The following GLDC variants were observed in gnomAD, a reference collection of about 807,000 sequenced individuals.
GLDC encodes glycine decarboxylase, also known as glycine dehydrogenase (decarboxylating), mitochondrial.
Under a neutral mutation model 121.3 loss-of-function variants are expected in GLDC, and 104 were observed. That is an observed-to-expected ratio of 0.86 (90% CI 0.73 to 1.01). The LOEUF (loss-of-function observed/expected upper bound fraction) is 1.01, where lower values mean the gene tolerates loss of function less well. Ranked by LOEUF, GLDC falls within the 50% of genes least tolerant of loss-of-function variation. The pLI, the probability that GLDC is intolerant of heterozygous loss-of-function variation, is 0.00. For missense variants in GLDC, 1,429 were observed against 1,306.6 expected, an observed-to-expected ratio of 1.09 and a Z score of -1.44; for synonymous variants, 546 against 480.6, an observed-to-expected ratio of 1.14 and a Z score of -1.78.
At chr9:6,578,734 T>C (rs911119253) in intron 15 of GLDC, among the ~76,000 whole-genome samples, 2 of 152,102 alleles carry the variant, frequency 1.3e-5, no homozygotes, top group Non-Finnish European at 2.9e-5. Flanking sequence ...GGTCTTGCTA[T>C]GTTGCCCAGG....
chr9:6,591,567 G>C (rs971580621), intron 11 of GLDC, among the ~76,000 whole-genome samples: 1 of 152,070 alleles, frequency 6.6e-6, no homozygotes, highest in African/African-American at 2.4e-5. Context: ...TTGCATCTTT[G>C]TAGTAGAGGC....
chr9:6,621,591 C>G (rs1052415845), intron 2 of GLDC, among the ~76,000 whole-genome samples: 2 of 152,152 alleles, frequency 1.3e-5, no homozygotes, highest in South Asian at 4.1e-4. Flanking sequence ...GATCTTGGCT[C>G]ACTGCAACCT....
rs373372620 is a variant in GLDC at position 6,596,887 on chromosome 9, A to C, written c.1156-1768T>G. Among the ~76,000 whole-genome samples, 19 of 152,348 alleles carry C rather than the reference A, an allele frequency of 1.2e-4. No individual in the cohort carries two copies. The East Asian group carries it at 2.9e-3, about 23-fold the overall frequency. On this transcript the variant is annotated intron_variant, in intron 8 of 24. Coordinates refer to ENST00000321612, the MANE Select transcript of GLDC (RefSeq NM_000170.3). Reference sequence around the variant, plus strand: ...ATGACCCAGCAATTTCACTGCTAGGAATATAACCAAAAGAACTGAAAACAT... The same window carrying C: ...ATGACCCAGCAATTTCACTGCTAGGCATATAACCAAAAGAACTGAAAACAT...
intron 8 of GLDC, among the ~76,000 whole-genome samples, chr9:6,597,123 C>T (rs1022097424): frequency 1.3e-5 from 2 of 152,122 alleles, no homozygotes; most frequent in African/African-American, 4.8e-5. Flanking sequence ...TACAAAAGGC[C>T]ACACATTGTA....
At chr9:6,644,141 G>C (rs1313234000) in intron 2 of GLDC, among the ~76,000 whole-genome samples, 1 of 151,606 alleles carries the variant, frequency 6.6e-6, no homozygotes, top group African/African-American at 2.4e-5. Flanking sequence ...TGGACGTGAG[G>C]TAAGAAAACA....
intron 3 of GLDC, among the ~76,000 whole-genome samples, chr9:6,615,826 C>A (rs1360216249): frequency 6.6e-6 from 1 of 152,154 alleles, no homozygotes; most frequent in Non-Finnish European, 1.5e-5. Flanking sequence ...GTTGGCCAGG[C>A]TGGTCTTGAA....
At chr9:6,546,955 C>T (rs1036616906) in intron 21 of GLDC, among the ~76,000 whole-genome samples, 17 of 151,926 alleles carry the variant, frequency 1.1e-4, no homozygotes, top group African/African-American at 4.1e-4. Context: ...AAGCGAGACT[C>T]TGTCTCAAAA....
At chr9:6,573,735 C>A (rs138569171) in intron 15 of GLDC, among the ~76,000 whole-genome samples, 1 of 152,066 alleles carries the variant, frequency 6.6e-6, no homozygotes, top group African/African-American at 2.4e-5. Flanking sequence ...GAAACCGATA[C>A]GGTAAAAATG....
At chr9:6,635,424 A>G (rs1205161877) in intron 2 of GLDC, among the ~76,000 whole-genome samples, 1 of 152,226 alleles carries the variant, frequency 6.6e-6, no homozygotes, top group Non-Finnish European at 1.5e-5. Context: ...GGTCCTATGT[A>G]CCATAATAGC....
chr9:6,572,745 G>A lies in GLDC; in HGVS notation c.1851-7316C>T, dbSNP rs188730630. On this transcript the variant is annotated intron_variant, in intron 15 of 24. Transcript: ENST00000321612. ...TTCTTGGGTCTTACTCACTGCTGAA[G>A]TCTAATTCTCCAGCTTTTCCATCAA... Among the ~76,000 whole-genome samples the A allele has an allele frequency of 3.3e-5, 5 of 152,316 alleles. No homozygotes were observed. The East Asian group carries it at 9.6e-4, about 29-fold the overall frequency.
intron 2 of GLDC, among the ~76,000 whole-genome samples, chr9:6,642,988 G>A (rs1819658726): frequency 1.3e-5 from 2 of 151,802 alleles, no homozygotes; most frequent in South Asian, 4.2e-4. Context: ...AACCTCCACT[G>A]CCCAGCTCAA....
At chr9:6,598,945 C>G (rs1237205531) in intron 8 of GLDC, among the ~76,000 whole-genome samples, 6 of 152,160 alleles carry the variant, frequency 3.9e-5, no homozygotes, top group Non-Finnish European at 7.3e-5. Flanking sequence ...CTTTGGGAGG[C>G]CAAGGCGGGC....
intron 10 of GLDC, 102 bp from the exon 11 acceptor site, chr9:6,592,325 C>G (rs1818391152): frequency 3.9e-6 from 3 of 774,472 alleles, no homozygotes; most frequent in Non-Finnish European, 6.9e-6. Flanking sequence ...AACAAAATCC[C>G]ATCATTCCAA....
In GLDC at chr9:6,533,105, A is replaced by G. The variant is rs752239336; in HGVS notation, c.2975T>C (p.Ile992Thr). 3 of 1,611,642 alleles carry G rather than the reference A, an allele frequency of 1.9e-6. No homozygotes were observed. Among genetic ancestry groups the G allele is most frequent in the South Asian group, 2.2e-5 (2 of 91,034 alleles). ...ACAAACCAGGTGCTGATCTCCATAT[A>G]TGTCATCAATCCGGGCAATCGTTGG... ...FWPTIARIDD[I>T]YGDQHLVCTC... Residue 992 changes from isoleucine to threonine, a missense_variant, in exon 25 of 25, where the codon ATA (isoleucine) becomes ACA (threonine). Coordinates refer to ENST00000321612, the MANE Select transcript of GLDC (RefSeq NM_000170.3).
intron 3 of GLDC, among the ~76,000 whole-genome samples, chr9:6,612,398 T>C (rs1014784589): frequency 3.9e-5 from 6 of 151,916 alleles, no homozygotes; most frequent in African/African-American, 1.5e-4. Flanking sequence ...AGATGTTGGT[T>C]TCAAAGCTTT....
At chr9:6,572,329 A>C (rs1184995441) in intron 15 of GLDC, among the ~76,000 whole-genome samples, 1 of 152,230 alleles carries the variant, frequency 6.6e-6, no homozygotes, top group Non-Finnish European at 1.5e-5. Context: ...TGACATGTGG[A>C]CATGCTGTCA....
intron 2 of GLDC, among the ~76,000 whole-genome samples, chr9:6,643,249 C>A (rs1269802262): frequency 6.6e-6 from 1 of 151,686 alleles, no homozygotes; most frequent in Non-Finnish European, 1.5e-5. Context: ...TCCGACCATC[C>A]CTAAATCTCA....
chr9:6,604,013 C>T (rs1818679621), intron 7 of GLDC, among the ~76,000 whole-genome samples: 1 of 152,074 alleles, frequency 6.6e-6, no homozygotes, highest in Non-Finnish European at 1.5e-5. Context: ...CAGGTGTGAG[C>T]CACCGCACCC....
chr9:6,567,547 C>T (rs905128064), intron 15 of GLDC: 3 of 152,220 alleles, frequency 2.0e-5, no homozygotes, highest in Non-Finnish European at 2.9e-5. Context: ...CAAAGCCTTC[C>T]CTAAAGCCAC....
Sources: allele counts gnomAD v4.1 joint callset (sites outside exome capture counted in the v4.1 genomes callset), GRCh38; gene constraint gnomAD v4.1.1; transcripts MANE v1.5; gene names NCBI Gene and HGNC (gene_info 2026-07-23, HGNC 2026-07-21).